HTR3B: variants seen among roughly 807,000 people sequenced by gnomAD.
HTR3B encodes 5-hydroxytryptamine (serotonin) receptor 3B, ionotropic.
HTR3B carries 44 observed loss-of-function variants against 42.8 expected under a neutral mutation model. The observed-to-expected ratio is 1.03, with a 90% CI of 0.81 to 1.32. The LOEUF (loss-of-function observed/expected upper bound fraction) is 1.32, where lower values mean the gene tolerates loss of function less well. Among genes scored for constraint, HTR3B ranks in the 40% most tolerant of loss-of-function variants. The pLI, the probability that HTR3B is intolerant of heterozygous loss-of-function variation, is 0.00. For missense variants in HTR3B, 527 were observed against 536.5 expected, an observed-to-expected ratio of 0.98 and a Z score of 0.17; for synonymous variants, 203 against 209.0, an observed-to-expected ratio of 0.97 and a Z score of 0.25.
intron 8 of HTR3B, among the ~76,000 whole-genome samples, chr11:113,944,969 T>G (rs962353200): frequency 6.6e-6 from 1 of 152,132 alleles, no homozygotes; most frequent in Admixed American, 6.5e-5. Flanking sequence ...GTTTTTCTGT[T>G]TGTTTTGGTT....
chr11:113,936,487 G>A (rs1421158534), intron 6 of HTR3B, among the ~76,000 whole-genome samples: 3 of 151,952 alleles, frequency 2.0e-5, no homozygotes, highest in Admixed American at 2.0e-4. Context: ...GATACTTATT[G>A]AATGCAGCTT....
At chr11:113,925,049 A>G (rs1437801711) in intron 2 of HTR3B, among the ~76,000 whole-genome samples, 2 of 152,202 alleles carry the variant, frequency 1.3e-5, no homozygotes, top group Non-Finnish European at 2.9e-5. Context: ...AAATGATGCC[A>G]CCTGGCGCAG....
At chr11:113,925,919 A>T (rs1375825301) in intron 2 of HTR3B, among the ~76,000 whole-genome samples, 1 of 152,186 alleles carries the variant, frequency 6.6e-6, no homozygotes, top group Non-Finnish European at 1.5e-5. Flanking sequence ...TATACAATTC[A>T]GTGTTTTTTA....
intron 3 of HTR3B, 49 bp downstream of exon 3, chr11:113,931,477 C>T (rs1591581443): frequency 8.6e-7 from 1 of 1,161,608 alleles, no homozygotes. Context: ...TGATCTGGAT[C>T]TGCTGCAAAA....
chr11:113,931,914 T>C, intron 4 of HTR3B, 47 bp downstream of exon 4: 1 of 1,084,168 alleles, frequency 9.2e-7, no homozygotes, highest in Non-Finnish European at 1.4e-6. Context: ...CTGCTTGGTA[T>C]AGTCGGGCCA....
chr11:113,909,358 T>G lies in HTR3B; in HGVS notation c.116T>G (p.Leu39Arg). The G allele has an allele frequency of 6.2e-7, 1 of 1,613,194 alleles. No individual in the cohort carries two copies. Among genetic ancestry groups the G allele is most frequent in the Non-Finnish European group, 8.5e-7 (1 of 1,179,104 alleles). ...DSALYHLSKQLLQKYHKEVRP... is the reference protein window; with the variant it reads ...DSALYHLSKQRLQKYHKEVRP... ...GCTCTGTATCATCTCAGCAAGCAGCTATTACAGAAATATCATAAAGAAGTG... is the reference window on the plus strand; with the variant it reads ...GCTCTGTATCATCTCAGCAAGCAGCGATTACAGAAATATCATAAAGAAGTG... The change falls in exon 2 of 9, where the codon CTA (leucine) becomes CGA (arginine). Residue 39 changes from leucine to arginine, a missense_variant. Leu to Arg is a moderately radical substitution (Grantham distance 102, BLOSUM62 -2). Transcript: ENST00000260191.
In HTR3B at chr11:113,948,135, G is replaced by A. The variant is rs1346793033; in HGVS notation, c.*1998G>A. ...GAGGAACATAAGAAGTTTGTGAACA[G>A]GAAGTGTCCATGCAAACCTCCACCT... is the stretch of plus-strand genomic sequence containing the variant. On this transcript the variant is annotated 3_prime_UTR_variant, in exon 9 of 9. Coordinates refer to ENST00000260191, the MANE Select transcript of HTR3B (RefSeq NM_006028.5). 6.6e-6 allele frequency among the ~76,000 whole-genome samples: 1 copy of A among 152,166 alleles called. No homozygotes were observed. The highest frequency in any genetic ancestry group is 1.9e-4 in the East Asian group (1 of 5,194).
At chr11:113,916,084 G>A (rs1949850259) in intron 2 of HTR3B, among the ~76,000 whole-genome samples, 1 of 152,228 alleles carries the variant, frequency 6.6e-6, no homozygotes, top group Non-Finnish European at 1.5e-5. Flanking sequence ...TAATCTACCT[G>A]CCTCGGGCTT....
intron 2 of HTR3B, among the ~76,000 whole-genome samples, chr11:113,917,913 C>T (rs1250818672): frequency 6.6e-6 from 1 of 152,118 alleles, no homozygotes; most frequent in Non-Finnish European, 1.5e-5. Context: ...TATATGTCTT[C>T]GTAATGAACA....
Position 113,946,487 on chromosome 11 carries a change from C to T in HTR3B, c.*350C>T, listed in dbSNP as rs1430448489. Reference sequence around the variant, plus strand: ...AAGGCTGCAGTGAGCCATGATTGCACCACTGCACCCCAGCCTGGGTGACAG... The same window carrying T: ...AAGGCTGCAGTGAGCCATGATTGCATCACTGCACCCCAGCCTGGGTGACAG... On this transcript the variant is annotated 3_prime_UTR_variant, in exon 9 of 9. Coordinates refer to ENST00000260191, the MANE Select transcript of HTR3B (RefSeq NM_006028.5). The T allele has an allele frequency of 6.1e-6, 1 of 164,350 alleles. No homozygotes were observed. The highest frequency in any genetic ancestry group is 6.1e-5 in the Admixed American group (1 of 16,420). 10.2% of individuals were successfully genotyped at this position (164,350 alleles called of 1,614,324 possible). A position where few individuals can be genotyped will look rare whatever the true frequency, so the allele number is the denominator to read the frequency against.
chr11:113,902,407 A>G (rs557160503), upstream of HTR3B, among the ~76,000 whole-genome samples: 6 of 151,692 alleles, frequency 4.0e-5, no homozygotes, highest in African/African-American at 1.5e-4. Context: ...CAAGATTCTC[A>G]TGCCTCAGCC....
At chr11:113,911,549 T>C (rs1949793461) in intron 2 of HTR3B, among the ~76,000 whole-genome samples, 1 of 149,728 alleles carries the variant, frequency 6.7e-6, no homozygotes, top group Admixed American at 6.6e-5. Flanking sequence ...TTTTTTGAGA[T>C]GGAGTCTCAC....
chr11:113,934,075 T>C (rs986309328), intron 6 of HTR3B, among the ~76,000 whole-genome samples: 1 of 152,128 alleles, frequency 6.6e-6, no homozygotes, highest in Non-Finnish European at 1.5e-5. Context: ...ATGGATATGC[T>C]AAGGGGAGGT....
intron 6 of HTR3B, among the ~76,000 whole-genome samples, chr11:113,939,425 C>G (rs1174364126): frequency 6.6e-6 from 1 of 152,138 alleles, no homozygotes; most frequent in Non-Finnish European, 1.5e-5. Context: ...AGCACTAAAC[C>G]AAGTGCAGGG....
intron 5 of HTR3B, 93 bp from the exon 6 acceptor site, chr11:113,932,843 A>T: frequency 7.7e-7 from 1 of 1,305,520 alleles, no homozygotes; most frequent in Admixed American, 1.9e-5. Flanking sequence ...GGGGCAGGAG[A>T]ACGAGGAAGG....
At chr11:113,901,150 A>C (rs1949694928), upstream of HTR3B, among the ~76,000 whole-genome samples, 1 of 152,098 alleles carries the variant, frequency 6.6e-6, no homozygotes, top group Non-Finnish European at 1.5e-5. Context: ...ACCTAAAAGA[A>C]CTGAGTATGA....
chr11:113,931,850 TATC>T lies in HTR3B; in HGVS notation c.359_361del (p.Ile120del), dbSNP rs745613100. 576 of 1,585,036 alleles carry T rather than the reference TATC, an allele frequency of 3.6e-4. No individual in the cohort carries two copies. Among genetic ancestry groups the T allele is most frequent in the Admixed American group, 1.2e-3 (74 of 59,978 alleles). ...CTCTAAGTGCCATCTGGGCCCCCGATATCATCATCAATGAGTTGTAAGTGTGCC... is the reference window on the plus strand; with the variant it reads ...CTCTAAGTGCCATCTGGGCCCCCGATATCATCAATGAGTTGTAAGTGTGCC... On this transcript the variant is annotated inframe_deletion, in exon 4 of 9. Coordinates refer to ENST00000260191, the MANE Select transcript of HTR3B (RefSeq NM_006028.5).
At chr11:113,902,790 A>T (rs1949704555), upstream of HTR3B, among the ~76,000 whole-genome samples, 2 of 152,346 alleles carry the variant, frequency 1.3e-5, no homozygotes, top group African/African-American at 2.4e-5. Flanking sequence ...ATTCAGAATC[A>T]GATATTGTGC....
Position 113,943,183 on chromosome 11 carries a change from C to G in HTR3B, c.898C>G (p.Pro300Ala), listed in dbSNP as rs1316796852. Residue 300 changes from proline (P) to alanine (A), a missense_variant, in exon 7 of 9, where the codon CCT becomes GCT. Pro to Ala is a conservative substitution (Grantham distance 27). Coordinates refer to ENST00000260191, the MANE Select transcript of HTR3B (RefSeq NM_006028.5). The part of the protein sequence containing the change: ...NQVPRSVGST[P>A]LIGHFFTICM... ...GGTGCCACGGAGTGTAGGGAGCACC[C>G]CTCTGATTGGTAAGCAGCCTCGGGG... 1.2e-6 allele frequency: 2 copies of G among 1,612,344 alleles called. No individual in the cohort carries two copies. The highest frequency in any genetic ancestry group is 2.2e-5 in the South Asian group (2 of 90,910).
Sources: allele counts gnomAD v4.1 joint callset (sites outside exome capture counted in the v4.1 genomes callset), GRCh38; gene constraint gnomAD v4.1.1; transcripts MANE v1.5; gene names NCBI Gene and HGNC (gene_info 2026-07-23, HGNC 2026-07-21).